The following OTOA variants were observed in gnomAD, a reference collection of about 807,000 sequenced individuals.
OTOA encodes otoancorin.
In OTOA, 70 loss-of-function variants were observed where a neutral mutation model predicts 110.8. The ratio of observed to expected loss-of-function variants is 0.63; its 90% CI spans 0.52 to 0.77. The LOEUF (loss-of-function observed/expected upper bound fraction) is 0.77. OTOA is among the 30% of genes least tolerant of loss of function. OTOA has a pLI of 0.00. For missense variants in OTOA, 917 were observed against 1,075.8 expected, an observed-to-expected ratio of 0.85 and a Z score of 2.06; for synonymous variants, 373 against 431.5, an observed-to-expected ratio of 0.86 and a Z score of 1.68.
At position 21,759,805 on chromosome 16, in the gene OTOA, C is replaced by T. The variant is rs533418641; in HGVS notation, c.3350-665C>T. Among the ~76,000 whole-genome samples the T allele has an allele frequency of 1.5e-3, 221 of 152,018 alleles. 1 individual carries two copies. The highest frequency in any genetic ancestry group is 6.8e-3 in the Middle Eastern group (2 of 294). ...GTCCCAGTTACTAGGGAAGCTGAGG[C>T]AGAGGAATCGCTTGAACCTGGGAGA... On this transcript the variant is annotated intron_variant, in intron 28 of 28. Coordinates refer to ENST00000646100, the MANE Select transcript of OTOA (RefSeq NM_144672.4).
intron 14 of OTOA, 148 bp from the exon 15 acceptor site, chr16:21,716,759 T>C: frequency 4.5e-6 from 4 of 891,674 alleles, no homozygotes; most frequent in Non-Finnish European, 7.2e-6. Context: ...TTTCCTCACC[T>C]GTGAAATGGG....
chr16:21,714,282 CCTTT>C (rs1898452958), intron 13 of OTOA, among the ~76,000 whole-genome samples: 1 of 89,428 alleles, frequency 1.1e-5, no homozygotes, highest in Non-Finnish European at 2.3e-5. Flanking sequence ...TTTCCTCCTT[CCTTT>C]CTTTCTTTTC....
intron 13 of OTOA, among the ~76,000 whole-genome samples, chr16:21,712,325 ACT>A (rs977141561): frequency 2.6e-5 from 4 of 151,448 alleles, no homozygotes; most frequent in Non-Finnish European, 4.4e-5. Context: ...ACAGAGCAAG[ACT>A]CTGTCTTAAA....
At chr16:21,664,845 G>A (rs968784321) in intron 1 of OTOA, among the ~76,000 whole-genome samples, 1 of 151,874 alleles carries the variant, frequency 6.6e-6, no homozygotes, top group East Asian at 1.9e-4. Flanking sequence ...GGTGGCGGGC[G>A]CCTGTAATCT....
intron 1 of OTOA, among the ~76,000 whole-genome samples, chr16:21,669,073 G>A (rs114641914): frequency 6.2e-4 from 95 of 152,074 alleles, no homozygotes; most frequent in Admixed American, 1.8e-3. Flanking sequence ...GGGTGCAGTG[G>A]GATTACATGC....
chr16:21,706,723 A>G (rs925261101), intron 12 of OTOA, among the ~76,000 whole-genome samples: 3 of 152,170 alleles, frequency 2.0e-5, no homozygotes, highest in Non-Finnish European at 4.4e-5. Flanking sequence ...AATTTTGATA[A>G]AGCCATCAAT....
At chr16:21,695,708 G>C (rs185359463) in intron 9 of OTOA, among the ~76,000 whole-genome samples, 1 of 151,316 alleles carries the variant, frequency 6.6e-6, no homozygotes, top group Non-Finnish European at 1.5e-5. Context: ...AGCTCTTGAT[G>C]TTAGAGTCAC....
chr16:21,728,358 G>T lies in OTOA; in HGVS notation c.2134G>T (p.Gly712Cys), dbSNP rs866105290. 1.2e-6 allele frequency: 2 copies of T among 1,614,104 alleles called. No individual in the cohort carries two copies. The highest frequency in any genetic ancestry group is 1.7e-6 in the Non-Finnish European group (2 of 1,180,014). The change falls in exon 20 of 29, where the codon GGC becomes TGC. Residue 712 changes from glycine (G) to cysteine (C), a missense_variant. Transcript: ENST00000646100. ...SPRAWATALH[G>C]LRDCPDLNPE... Reference sequence around the variant, plus strand: ...CAGGGCTTGGGCGACTGCTCTACACGGCCTCAGAGACTGCCCAGACCTCAA... The same window carrying T: ...CAGGGCTTGGGCGACTGCTCTACACTGCCTCAGAGACTGCCCAGACCTCAA...
chr16:21,684,749 TA>T (rs1966974598), intron 6 of OTOA, among the ~76,000 whole-genome samples: 8 of 79,236 alleles, frequency 1.0e-4, no homozygotes, highest in African/African-American at 2.9e-4. Flanking sequence ...TTATTATTAT[TA>T]TTATTATTAT....
intron 13 of OTOA, among the ~76,000 whole-genome samples, chr16:21,714,225 CTCTT>C (rs1264990629): frequency 9.3e-5 from 14 of 151,026 alleles, no homozygotes; most frequent in East Asian, 1.9e-4. Flanking sequence ...TTCTCTCTCT[CTCTT>C]TCTTTCTTTC....
chr16:21,757,770 A>C (rs1335342730), intron 28 of OTOA, among the ~76,000 whole-genome samples: 1 of 151,934 alleles, frequency 6.6e-6, no homozygotes, highest in Non-Finnish European at 1.5e-5. Flanking sequence ...GGTGTGTGCC[A>C]CCACACCTGG....
intron 1 of OTOA, among the ~76,000 whole-genome samples, chr16:21,670,477 A>G (rs1453562307): frequency 6.6e-6 from 1 of 152,060 alleles, no homozygotes; most frequent in African/African-American, 2.4e-5. Context: ...CAAACTGTCT[A>G]TAATAGTACC....
At chr16:21,692,634 T>C (rs1897853405) in intron 9 of OTOA, among the ~76,000 whole-genome samples, 1 of 151,558 alleles carries the variant, frequency 6.6e-6, no homozygotes, top group African/African-American at 2.4e-5. Flanking sequence ...CACTTAAAAA[T>C]GGGGCCAGGT....
intron 13 of OTOA, among the ~76,000 whole-genome samples, chr16:21,713,763 C>T (rs1160560604): frequency 6.6e-6 from 1 of 152,218 alleles, no homozygotes; most frequent in Non-Finnish European, 1.5e-5. Context: ...CACTTTCTGA[C>T]TCAGGTACCA....
At chr16:21,705,493 C>T in intron 12 of OTOA, 2 of 769,386 alleles carry the variant, frequency 2.6e-6, no homozygotes, top group Non-Finnish European at 4.1e-6. Flanking sequence ...GGAACAGACC[C>T]TGGGGAGATC....
Position 21,728,445 on chromosome 16 carries a change from G to A in OTOA, c.2207+14G>A. 1 of 1,612,052 alleles carries A rather than the reference G, an allele frequency of 6.2e-7. No individual in the cohort carries two copies. Among genetic ancestry groups the A allele is most frequent in the East Asian group, 2.2e-5 (1 of 44,748 alleles). On this transcript the variant is annotated intron_variant, in intron 20 of 28. Coordinates refer to ENST00000646100, the MANE Select transcript of OTOA (RefSeq NM_144672.4). ...GGGACAGTATGGGTGAGGAGCGGCT[G>A]GGTTTGGCTTTTGGTGGTGTGGTAT... is the stretch of plus-strand genomic sequence containing the variant.
intron 28 of OTOA, among the ~76,000 whole-genome samples, chr16:21,758,470 TAGAC>T (rs1451655597): frequency 6.7e-6 from 1 of 148,208 alleles, no homozygotes; most frequent in Non-Finnish European, 1.5e-5. Flanking sequence ...CTTAGCGAGG[TAGAC>T]AGTGTCTCAG....
chr16:21,684,383 G>A (rs1441453434), intron 6 of OTOA: 2 of 1,432,166 alleles, frequency 1.4e-6, no homozygotes, highest in Non-Finnish European at 1.9e-6. Context: ...AGAGGCTGAT[G>A]GCTTCTGCTC....
intron 22 of OTOA, among the ~76,000 whole-genome samples, chr16:21,738,834 T>A (rs1230913574): frequency 6.6e-6 from 1 of 152,294 alleles, no homozygotes; most frequent in Non-Finnish European, 1.5e-5. Context: ...TTGGGTGTTC[T>A]CTTGTTTTTT....
Sources: gnomAD v4.1 joint callset for allele counts (sites outside exome capture counted in the v4.1 genomes callset) on GRCh38, gnomAD v4.1.1 for gene constraint, MANE v1.5 for transcripts, NCBI Gene and HGNC (gene_info 2026-07-23, HGNC 2026-07-21) for gene names.